DNAH10: variants seen among roughly 807,000 people sequenced by gnomAD.
DNAH10 encodes axonemal beta dynein heavy chain 10.
In DNAH10, 348 loss-of-function variants were observed where a neutral mutation model predicts 506.6. The observed-to-expected ratio is 0.69, with a 90% CI of 0.63 to 0.75. The LOEUF (loss-of-function observed/expected upper bound fraction) is 0.75. DNAH10 is among the 30% of genes least tolerant of loss of function. The probability of loss-of-function intolerance (pLI) is 0.00; values close to 1 mark genes in which losing one functional copy is unlikely to be tolerated. For synonymous variants in DNAH10, 2,059 were observed against 2,198.6 expected, an observed-to-expected ratio of 0.94 and a Z score of 1.78; for missense variants, 5,179 against 5,787.1, an observed-to-expected ratio of 0.89 and a Z score of 3.41.
At position 123,850,975 on chromosome 12, in the gene DNAH10, G is replaced by A. The variant is rs778347292; in HGVS notation, c.6190G>A (p.Glu2064Lys). The A allele has an allele frequency of 3.1e-6, 5 of 1,614,122 alleles. No individual in the cohort carries two copies. The highest frequency in any genetic ancestry group is 4.5e-5 in the East Asian group (2 of 44,884). ...PGYAGRTELP[E>K]SVKALFRPVV... ...CTACGCAGGCCGCACGGAGCTGCCCGAGTCGGTGAAGGCGCTGTTCAGGCC... is the reference window on the plus strand; with the variant it reads ...CTACGCAGGCCGCACGGAGCTGCCCAAGTCGGTGAAGGCGCTGTTCAGGCC... Residue 2064 changes from glutamate (E) to lysine (K), a missense_variant, in exon 35 of 79, where the codon GAG becomes AAG. By Grantham distance (56) the Glu-to-Lys change is moderately conservative. Coordinates refer to ENST00000673944, the MANE Select transcript of DNAH10 (RefSeq NM_001372106.1). The surrounding 1 kb of genome is among the most constrained non-coding windows in gnomAD (Gnocchi z 5.5).
At chr12:123,880,148 G>A (rs546623137) in intron 50 of DNAH10, among the ~76,000 whole-genome samples, 2 of 152,180 alleles carry the variant, frequency 1.3e-5, no homozygotes, top group Admixed American at 6.5e-5. Flanking sequence ...GCTTTGGGTC[G>A]CTGCTGGCCA....
In DNAH10 at chr12:123,846,865, G is replaced by C. The variant is rs1048155843; in HGVS notation, c.5814+711G>C. 6.6e-6 allele frequency among the ~76,000 whole-genome samples: 1 copy of C among 152,012 alleles called. No individual in the cohort carries two copies. Among genetic ancestry groups the C allele is most frequent in the Non-Finnish European group, 1.5e-5 (1 of 68,012 alleles). On this transcript the variant is annotated intron_variant, in intron 32 of 78. Transcript: ENST00000673944. The surrounding 1 kb of genome is among the most constrained non-coding windows in gnomAD (Gnocchi z 4.5). ...CCACTGTGGATGTGGCATGCACCTG[G>C]GCCCGTCTCCACATCACACCATGGG...
chr12:123,899,895 A>G lies in DNAH10; in HGVS notation c.9640+1081A>G, dbSNP rs543699206. Among the ~76,000 whole-genome samples the G allele has an allele frequency of 1.5e-3, 226 of 152,374 alleles. 1 individual carries two copies. The highest frequency in any genetic ancestry group is 5.1e-3 in the African/African-American group (213 of 41,592). Reference sequence around the variant, plus strand: ...AGCTTCTGTTGCTTGCAACCAAAGCAACTTAATCGATAGATATCCTTTCCC... The same window carrying G: ...AGCTTCTGTTGCTTGCAACCAAAGCGACTTAATCGATAGATATCCTTTCCC... On this transcript the variant is annotated intron_variant, in intron 56 of 78. Coordinates refer to ENST00000673944, the MANE Select transcript of DNAH10 (RefSeq NM_001372106.1).
At chr12:123,830,900 A>G (rs1452398730) in intron 26 of DNAH10, among the ~76,000 whole-genome samples, 1 of 152,178 alleles carries the variant, frequency 6.6e-6, no homozygotes, top group Non-Finnish European at 1.5e-5. Context: ...CTGTGATCGC[A>G]CCATGGCACT....
At chr12:123,792,977 C>T (rs73422707) in intron 11 of DNAH10, among the ~76,000 whole-genome samples, 215 of 152,264 alleles carry the variant, frequency 1.4e-3, no homozygotes, top group African/African-American at 5.0e-3. Context: ...TCTGAAATAA[C>T]AGGTATAGAA....
intron 7 of DNAH10, 78 bp from the exon 8 acceptor site, chr12:123,783,869 G>A (rs773476549): frequency 6.5e-5 from 86 of 1,331,846 alleles, no homozygotes; most frequent in Non-Finnish European, 8.3e-5. Flanking sequence ...CAGAAAGAAC[G>A]GATGCTGGAG....
chr12:123,803,413 C>G (rs749700211), intron 16 of DNAH10, among the ~76,000 whole-genome samples: 7 of 152,044 alleles, frequency 4.6e-5, no homozygotes, highest in Non-Finnish European at 8.8e-5. Context: ...CCATGGTGCT[C>G]CAGCCAGGAC....
chr12:123,776,117 CGTG>C (rs1175298049), intron 5 of DNAH10, among the ~76,000 whole-genome samples: 1 of 152,054 alleles, frequency 6.6e-6, no homozygotes, highest in Non-Finnish European at 1.5e-5. Context: ...TCCCATGACA[CGTG>C]GGGATTATGG....
rs1047938637 is a variant in DNAH10, at chr12:123,909,010, T to C, written c.9816-251T>C. ...AGACGCTCCGGGGACGGCCTGGGTT[T>C]GTATTTTAATGCTGCCCCCGCACCA... On this transcript the variant is annotated intron_variant, in intron 57 of 78. Coordinates refer to ENST00000673944, the MANE Select transcript of DNAH10 (RefSeq NM_001372106.1). The surrounding 1 kb of genome is among the most constrained non-coding windows in gnomAD (Gnocchi z 5.4). Among the ~76,000 whole-genome samples, 2 of 152,180 alleles carry C rather than the reference T, an allele frequency of 1.3e-5. No homozygotes were observed. The highest frequency in any genetic ancestry group is 3.2e-3 in the Middle Eastern group (1 of 316).
chr12:123,806,960 G>A (rs1376798348), intron 18 of DNAH10, among the ~76,000 whole-genome samples: 1 of 152,154 alleles, frequency 6.6e-6, no homozygotes, highest in Non-Finnish European at 1.5e-5. Flanking sequence ...AGTAGAGACG[G>A]AGTTCCACTG....
At chr12:123,864,143 CTTTTTT>C (rs770676668) in intron 39 of DNAH10, among the ~76,000 whole-genome samples, 2 of 117,132 alleles carry the variant, frequency 1.7e-5, no homozygotes, top group African/African-American at 3.2e-5. Flanking sequence ...ACTTTTTTTT[CTTTTTT>C]TTTTTTTTTT....
chr12:123,877,934 T>C, intron 48 of DNAH10, 26 bp downstream of exon 48: 1 of 1,609,998 alleles, frequency 6.2e-7, no homozygotes, highest in Non-Finnish European at 8.5e-7. Flanking sequence ...CTTACTAAAA[T>C]ATGCCCCACA....
chr12:123,871,741 G>T (rs1952044832), intron 45 of DNAH10, 139 bp downstream of exon 45: 1 of 1,050,002 alleles, frequency 9.5e-7, no homozygotes, highest in Non-Finnish European at 1.4e-6. Context: ...GGAGCTTCTA[G>T]CTCAGGCTCT....
intron 5 of DNAH10, among the ~76,000 whole-genome samples, chr12:123,780,635 CT>C (rs1957610010): frequency 6.6e-6 from 1 of 151,878 alleles, no homozygotes; most frequent in South Asian, 2.1e-4. Context: ...GTGGTTTTCA[CT>C]TTGCATATTT....
At chr12:123,870,216 G>A (rs539072256) in intron 43 of DNAH10, 150 bp from the exon 44 acceptor site, 23 of 1,003,288 alleles carry the variant, frequency 2.3e-5, no homozygotes, top group African/African-American at 1.5e-4. Context: ...CAAGGTACTC[G>A]GTATCTGTCC....
At chr12:123,831,630 C>T (rs912252279) in intron 26 of DNAH10, among the ~76,000 whole-genome samples, 8 of 152,140 alleles carry the variant, frequency 5.3e-5, no homozygotes, top group Non-Finnish European at 8.8e-5. Context: ...TGGTGGCTCA[C>T]GCCTGTAATC....
chr12:123,870,551 A>G (rs1951990055), intron 44 of DNAH10, 66 bp downstream of exon 44: 1 of 1,556,420 alleles, frequency 6.4e-7, no homozygotes, highest in Non-Finnish European at 8.7e-7. Flanking sequence ...AGGAGGAGGC[A>G]AAGAAGATCC....
Position 123,913,324 on chromosome 12 carries a change from T to G in DNAH10, c.10352+9T>G. The G allele has an allele frequency of 6.4e-7, 1 of 1,572,142 alleles. No individual in the cohort carries two copies. The highest frequency in any genetic ancestry group is 8.6e-7 in the Non-Finnish European group (1 of 1,158,674). On this transcript the variant is annotated intron_variant, in intron 60 of 78. Coordinates refer to ENST00000673944, the MANE Select transcript of DNAH10 (RefSeq NM_001372106.1). The surrounding 1 kb of genome is among the most constrained non-coding windows in gnomAD (Gnocchi z 5.1). ...GGGTCAGAAAACATCAGGTTAGCGCTGCTCACGAGCCCACCTGTTGCGGTT... is the reference window on the plus strand; with the variant it reads ...GGGTCAGAAAACATCAGGTTAGCGCGGCTCACGAGCCCACCTGTTGCGGTT...
Position 123,797,352 on chromosome 12 carries a change from C to T in DNAH10, c.2163+520C>T, listed in dbSNP as rs373149819. On this transcript the variant is annotated intron_variant, in intron 13 of 78. Transcript: ENST00000673944. ...TTTCTGTTGTCCTTGCATTCATGCT[C>T]ATAGTAAACTGCCTTTTGCGTTCCT... Among the ~76,000 whole-genome samples the T allele has an allele frequency of 4.6e-5, 7 of 151,968 alleles. No individual in the cohort carries two copies. The South Asian group carries it at 8.3e-4, about 18-fold the overall frequency.
Sources: gnomAD v4.1 joint callset for allele counts (sites outside exome capture counted in the v4.1 genomes callset) on GRCh38, gnomAD v4.1.1 for gene constraint, Gnocchi (gnomAD v3.1) non-coding constraint, MANE v1.5 for transcripts, NCBI Gene and HGNC (gene_info 2026-07-23, HGNC 2026-07-21) for gene names.